ZNF362: variants seen among roughly 807,000 people sequenced by gnomAD.
ZNF362 encodes the protein rotund homolog.
Under a neutral mutation model 42.9 loss-of-function variants are expected in ZNF362, and 11 were observed. That is an observed-to-expected ratio of 0.26 (90% CI 0.16 to 0.42). The LOEUF (loss-of-function observed/expected upper bound fraction) is 0.42, where lower values mean the gene tolerates loss of function less well. Among genes scored for constraint, ZNF362 ranks in the 20% least tolerant of loss-of-function variants. The pLI is 1.00. For missense variants in ZNF362, 362 were observed against 576.2 expected (o/e 0.63, Z 3.81); for synonymous variants, 255 against 257.3 (o/e 0.99, Z 0.09).
chr1:33,212,353 T>C, the ZNF362 span, among the ~76,000 whole-genome samples: 1 of 152,202 alleles, frequency 6.6e-6, no homozygotes, highest in African/African-American at 2.4e-5. Context: ...ATGATAGCCA[T>C]TTTGGAAAAC....
the ZNF362 span, among the ~76,000 whole-genome samples, chr1:33,141,124 C>T: frequency 2.0e-5 from 3 of 152,046 alleles, no homozygotes; most frequent in Admixed American, 6.5e-5. Flanking sequence ...GACTGGCATG[C>T]ACACCCCAGG....
At chr1:33,147,377 G>A in the ZNF362 span, 10 of 1,614,148 alleles carry the variant, frequency 6.2e-6, no homozygotes, top group Non-Finnish European at 6.8e-6. The surrounding 1 kb of genome is among the most constrained non-coding windows in gnomAD (Gnocchi z 8.1). Flanking sequence ...AGCTTGTCCC[G>A]GACGTTAAGC....
chr1:33,223,541 T>C, the ZNF362 span, among the ~76,000 whole-genome samples: 2 of 152,352 alleles, frequency 1.3e-5, no homozygotes, highest in Non-Finnish European at 2.9e-5. Flanking sequence ...ACCTCCTTCA[T>C]AGCACTTTTC....
At chr1:33,241,456 A>G in the ZNF362 span, among the ~76,000 whole-genome samples, 1 of 151,370 alleles carries the variant, frequency 6.6e-6, no homozygotes, top group African/African-American at 2.4e-5. Context: ...AGATCATGCC[A>G]TTTAACTCCA....
intron 2 of ZNF362, chr1:33,275,471 C>A: frequency 2.5e-6 from 2 of 811,030 alleles, no homozygotes; most frequent in Non-Finnish European, 3.0e-6. Flanking sequence ...TGACATTGAA[C>A]AACCACACGT....
At chr1:33,146,691 T>C in the ZNF362 span, 1 of 173,792 alleles carries the variant, frequency 5.8e-6, no homozygotes, top group Non-Finnish European at 1.2e-5. Flanking sequence ...GACCAGGTAC[T>C]ACCTGTGACC....
chr1:33,233,356 C>A, the ZNF362 span, among the ~76,000 whole-genome samples: 209 of 152,282 alleles, frequency 1.4e-3, no homozygotes, highest in South Asian at 2.7e-3. Context: ...CCTGCCTTTT[C>A]TCTGCATGCC....
intron 2 of ZNF362, among the ~76,000 whole-genome samples, chr1:33,273,643 C>G (rs1645922046): frequency 6.6e-6 from 1 of 152,192 alleles, no homozygotes; most frequent in African/African-American, 2.4e-5. Flanking sequence ...GCTTAGAGAG[C>G]TAGCACCCAG....
the ZNF362 span, among the ~76,000 whole-genome samples, chr1:33,171,608 C>A: frequency 6.6e-6 from 1 of 152,096 alleles, no homozygotes. Flanking sequence ...ATACATGGTC[C>A]TTGAAAAATT....
chr1:33,298,947 G>A lies in ZNF362; in HGVS notation c.1164G>A (p.Lys388=). Residue 388 remains lysine (K), a synonymous_variant, in exon 9 of 9, where the codon AAG becomes AAA. Coordinates refer to ENST00000539719, the MANE Select transcript of ZNF362 (RefSeq NM_152493.3). ...RAYTSETYLM[K]HMSKHTVVEH... The stretch of plus-strand genomic sequence containing the variant: ...GCCCACAGGAGACCTACCTGATGAA[G>A]CACATGTCCAAACACACGGTGGTGG... 6.2e-7 allele frequency: 1 copy of A among 1,613,936 alleles called. No homozygotes were observed. Among genetic ancestry groups the A allele is most frequent in the Non-Finnish European group, 8.5e-7 (1 of 1,179,996 alleles).
chr1:33,139,967 G>A, the ZNF362 span, among the ~76,000 whole-genome samples: 21 of 152,284 alleles, frequency 1.4e-4, no homozygotes, highest in East Asian at 4.1e-3. Flanking sequence ...TATTATAAAT[G>A]TGCATAGGTT....
intron 6 of ZNF362, among the ~76,000 whole-genome samples, chr1:33,286,933 C>T (rs1238569443): frequency 2.0e-5 from 3 of 152,252 alleles, no homozygotes; most frequent in African/African-American, 7.2e-5. Flanking sequence ...GTAGAGTTAG[C>T]AAGAGGGCAA....
Position 33,299,612 on chromosome 1 carries a change from A to C in ZNF362, c.*566A>C, listed in dbSNP as rs1570417781. On this transcript the variant is annotated 3_prime_UTR_variant, in exon 9 of 9. Coordinates refer to ENST00000539719, the MANE Select transcript of ZNF362 (RefSeq NM_152493.3). ...CTTCGCCCCTGAGTGCCTGGCTCGC[A>C]CCTCTCGAGCTGTGCCCTGGGCATC... 1 of 153,522 alleles carries C rather than the reference A, an allele frequency of 6.5e-6. No homozygotes were observed. The highest frequency in any genetic ancestry group is 2.0e-4 in the South Asian group (1 of 4,994). 9.5% of individuals were successfully genotyped at this position (153,522 alleles called of 1,614,324 possible).
At chr1:33,140,737 AG>A in the ZNF362 span, among the ~76,000 whole-genome samples, 2 of 152,102 alleles carry the variant, frequency 1.3e-5, no homozygotes, top group Non-Finnish European at 2.9e-5. This position sits in a 1 kb window ranked among gnomAD's most constrained non-coding sequence, Gnocchi z 4.0. Context: ...TTGCCAGCAA[AG>A]GAGGACCAGG....
At chr1:33,219,742 T>C in the ZNF362 span, among the ~76,000 whole-genome samples, 1 of 152,108 alleles carries the variant, frequency 6.6e-6, no homozygotes, top group South Asian at 2.1e-4. Flanking sequence ...CAGGATGCTT[T>C]CAGCAGTGGC....
chr1:33,129,667 G>A, the ZNF362 span, among the ~76,000 whole-genome samples: 8 of 152,026 alleles, frequency 5.3e-5, no homozygotes, highest in Non-Finnish European at 2.9e-5. The surrounding 1 kb of genome is among the most constrained non-coding windows in gnomAD (Gnocchi z 4.1). Context: ...TTCCCTTCTC[G>A]AAGAGAAAAC....
At chr1:33,228,258 C>T in the ZNF362 span, among the ~76,000 whole-genome samples, 4 of 152,118 alleles carry the variant, frequency 2.6e-5, no homozygotes, top group Non-Finnish European at 5.9e-5. Flanking sequence ...AATTATCCTT[C>T]CAGTTGCCCA....
At chr1:33,276,189 T>A in intron 3 of ZNF362, 26 bp downstream of exon 3, 1 of 1,611,520 alleles carries the variant, frequency 6.2e-7, no homozygotes, top group African/African-American at 1.3e-5. Context: ...CCCCTCCGGC[T>A]GCCCTACCCT....
the ZNF362 span, among the ~76,000 whole-genome samples, chr1:33,161,511 G>A: frequency 6.6e-6 from 1 of 152,164 alleles, no homozygotes; most frequent in Non-Finnish European, 1.5e-5. This position sits in a 1 kb window ranked among gnomAD's most constrained non-coding sequence, Gnocchi z 4.3. Flanking sequence ...CCCGACGCGC[G>A]GCTGCTGGCC....
Sources: gnomAD v4.1 joint callset for allele counts (sites outside exome capture counted in the v4.1 genomes callset) on GRCh38, gnomAD v4.1.1 for gene constraint, Gnocchi (gnomAD v3.1) non-coding constraint, MANE v1.5 for transcripts, NCBI Gene and HGNC (gene_info 2026-07-23, HGNC 2026-07-21) for gene names.